Variants in ZFP28 observed in about 807,000 individuals in gnomAD.
ZFP28 encodes ZFP28 zinc finger protein, also known as zinc finger protein 28 homolog.
Under a neutral mutation model 39.5 loss-of-function variants are expected in ZFP28, and 31 were observed. That is an observed-to-expected ratio of 0.79 (90% CI 0.59 to 1.06). The LOEUF (loss-of-function observed/expected upper bound fraction) is 1.06. Ranked by LOEUF, ZFP28 falls within the 50% of genes least tolerant of loss-of-function variation. The pLI is 0.00. For missense variants in ZFP28, 925 were observed against 1,048.4 expected (o/e 0.88, Z 1.63); for synonymous variants, 400 against 378.6 (o/e 1.06, Z -0.66).
At chr19:56,550,241 C>A (rs2044286177) in intron 6 of ZFP28, 60 bp downstream of exon 6, 2 of 1,486,336 alleles carry the variant, frequency 1.3e-6, no homozygotes, top group Non-Finnish European at 1.8e-6. Flanking sequence ...TTCCAAACTT[C>A]AGTTTTGAAT....
In ZFP28 at chr19:56,556,752, C is replaced by G. The variant is rs2044356041; in HGVS notation, c.*1360C>G. The G allele has an allele frequency of 6.6e-6, 1 of 152,020 alleles. No individual in the cohort carries two copies. Among genetic ancestry groups the G allele is most frequent in the Non-Finnish European group, 1.5e-5 (1 of 68,002 alleles). 9.4% of individuals were successfully genotyped at this position (152,020 alleles called of 1,614,324 possible). The stretch of plus-strand genomic sequence containing the variant: ...ATAGAGGTGAAAGGAAATTATTAAA[C>G]TATATTGAAAAATAAAGATGTCAAT... On this transcript the variant is annotated 3_prime_UTR_variant, in exon 8 of 8. Coordinates refer to ENST00000301318, the MANE Select transcript of ZFP28 (RefSeq NM_020828.2).
At chr19:56,546,912 AG>A (rs1308622770) in intron 2 of ZFP28, 2 of 152,530 alleles carry the variant, frequency 1.3e-5, no homozygotes, top group East Asian at 3.8e-4. Flanking sequence ...CTCCAAAGTC[AG>A]GGGCTGTCTC....
Position 56,553,990 on chromosome 19 carries a change from A to G in ZFP28, c.1205A>G (p.Gln402Arg), listed in dbSNP as rs771294667. The change falls in exon 8 of 8, where the codon CAA becomes CGA. Residue 402 changes from glutamine to arginine, a missense_variant. Around this residue, in one of 2 missense-constraint regions of ZFP28, gnomAD observed 556 missense variants for 542.9 expected, o/e 1.02. Coordinates refer to ENST00000301318, the MANE Select transcript of ZFP28 (RefSeq NM_020828.2). Reference protein sequence around the residue: ...VHNRDSIKNFQKSSVVIKQTG... With the variant: ...VHNRDSIKNFRKSSVVIKQTG... Reference sequence around the variant, plus strand: ...AATCGTGATTCAATTAAAAATTTTCAAAAAAGTTCAGTGGTAATAAAACAA... The same window carrying G: ...AATCGTGATTCAATTAAAAATTTTCGAAAAAGTTCAGTGGTAATAAAACAA... 1.9e-6 allele frequency: 3 copies of G among 1,611,044 alleles called. No homozygotes were observed. The highest frequency in any genetic ancestry group is 2.5e-6 in the Non-Finnish European group (3 of 1,179,320).
intron 1 of ZFP28, 81 bp downstream of exon 1, chr19:56,539,307 C>T (rs542281814): frequency 4.3e-6 from 6 of 1,389,950 alleles, no homozygotes; most frequent in Non-Finnish European, 3.8e-6. Context: ...GTTGGGCTCT[C>T]GGGGACCAGT....
intron 7 of ZFP28, chr19:56,550,962 T>C: frequency 7.3e-7 from 1 of 1,375,510 alleles, no homozygotes; most frequent in Non-Finnish European, 9.4e-7. Flanking sequence ...TCCATTCCTG[T>C]GAGAACCACA....
At chr19:56,542,819 A>G (rs1287390272) in intron 2 of ZFP28, among the ~76,000 whole-genome samples, 1 of 152,032 alleles carries the variant, frequency 6.6e-6, no homozygotes, top group Non-Finnish European at 1.5e-5. Context: ...AGGCTGGAGT[A>G]CAGTGGCACA....
rs1397689308 is a variant in ZFP28 at position 56,554,111 on chromosome 19, C to T, written c.1326C>T (p.His442=). 1.9e-6 allele frequency: 3 copies of T among 1,614,080 alleles called. No homozygotes were observed. The highest frequency in any genetic ancestry group is 2.5e-6 in the Non-Finnish European group (3 of 1,180,038). ...CTCTTACTGTTCATCAGAGAATTCA[C>T]ACTGGAGAGAAACCTTATAAATGTA... The part of the protein sequence containing the change: ...SSSLTVHQRI[H]TGEKPYKCNE... The change falls in exon 8 of 8, where the codon CAC becomes CAT. Residue 442 remains histidine, a synonymous_variant. Transcript: ENST00000301318. This position sits in a 1 kb window ranked among gnomAD's most constrained non-coding sequence, Gnocchi z 6.7.
intron 2 of ZFP28, chr19:56,545,465 A>C (rs1170028353): frequency 1.3e-5 from 2 of 152,238 alleles, no homozygotes; most frequent in Non-Finnish European, 2.9e-5. Flanking sequence ...GAATAATGTG[A>C]ATCTTTAAAA....
At position 56,555,913 on chromosome 19, in the gene ZFP28, G is replaced by A. The variant is rs2044346745; in HGVS notation, c.*521G>A. The A allele has an allele frequency of 6.6e-6, 1 of 152,428 alleles. No individual in the cohort carries two copies. The highest frequency in any genetic ancestry group is 2.4e-5 in the African/African-American group (1 of 41,440). The allele number at this position is 152,428 out of a possible 1,614,324, so 9.4% of individuals were successfully genotyped here. On this transcript the variant is annotated 3_prime_UTR_variant, in exon 8 of 8. Transcript: ENST00000301318. The stretch of plus-strand genomic sequence containing the variant: ...AAGTCTAGGGACCATGAATGAATAG[G>A]CCAGCTGGGACAAATGAATTTAAAA...
chr19:56,550,495 T>A lies in ZFP28; in HGVS notation c.803-15T>A, dbSNP rs748960622. 2 of 1,611,544 alleles carry A rather than the reference T, an allele frequency of 1.2e-6. No homozygotes were observed. The highest frequency in any genetic ancestry group is 3.4e-5 in the Admixed American group (2 of 59,688). ...AAGACTATTGGCCAAACCTCATCTC[T>A]TTTCACTTTTTCAGGACATTGTGTG... is the stretch of plus-strand genomic sequence containing the variant. On this transcript the variant is annotated splice_polypyrimidine_tract_variant and intron_variant, in intron 6 of 7. Coordinates refer to ENST00000301318, the MANE Select transcript of ZFP28 (RefSeq NM_020828.2).
At chr19:56,542,030 G>A (rs957269349) in intron 2 of ZFP28, among the ~76,000 whole-genome samples, 22 of 151,368 alleles carry the variant, frequency 1.5e-4, no homozygotes, top group African/African-American at 4.9e-4. Flanking sequence ...CCTGGCCCTC[G>A]TAGTACTTTT....
chr19:56,545,417 G>A (rs1481165122), intron 2 of ZFP28: 2 of 152,212 alleles, frequency 1.3e-5, no homozygotes, highest in African/African-American at 2.4e-5. Flanking sequence ...ATATTATTCA[G>A]CAGATATCAA....
chr19:56,539,004 G>A lies in ZFP28; in HGVS notation c.-15G>A, dbSNP rs554443234. ...GAGGGACCGGTCGGAAGGGCGTCGC[G>A]CGGCCTCGGGTGACATGCGGGGGGC... On this transcript the variant is annotated 5_prime_UTR_variant, in exon 1 of 8. Coordinates refer to ENST00000301318, the MANE Select transcript of ZFP28 (RefSeq NM_020828.2). 7.0e-4 allele frequency: 969 copies of A among 1,389,498 alleles called. No individual in the cohort carries two copies. The highest frequency in any genetic ancestry group is 8.8e-4 in the Non-Finnish European group (944 of 1,077,020). The allele number at this position is 1,389,498 out of a possible 1,614,324, so 86.1% of individuals were successfully genotyped here.
rs1456365829 is a variant in ZFP28, at chr19:56,539,078, C to T, written c.60C>T (p.Ala20=). ...CGACGCCGCTCCCGGGTAGAGGCGCCCCCCGCACAAAGCCCCGGGCGGGCC... is the reference window on the plus strand; with the variant it reads ...CGACGCCGCTCCCGGGTAGAGGCGCTCCCCGCACAAAGCCCCGGGCGGGCC... ...REPTPLPGRG[A]PRTKPRAGRG... is the part of the protein sequence containing the mutation. The change falls in exon 1 of 8, where the codon GCC becomes GCT. Residue 20 remains alanine, a synonymous_variant. Transcript: ENST00000301318. The T allele has an allele frequency of 6.5e-7, 1 of 1,532,030 alleles. No individual in the cohort carries two copies. Among genetic ancestry groups the T allele is most frequent in the Non-Finnish European group, 8.7e-7 (1 of 1,144,712 alleles). The allele number at this position is 1,532,030 out of a possible 1,614,324, so 94.9% of individuals were successfully genotyped here.
intron 2 of ZFP28, among the ~76,000 whole-genome samples, chr19:56,542,121 A>G (rs898206505): frequency 6.6e-6 from 1 of 151,926 alleles, no homozygotes; most frequent in Non-Finnish European, 1.5e-5. Flanking sequence ...AGATATGAGA[A>G]GTCAGCCCTC....
chr19:56,551,833 G>A (rs779976940), intron 7 of ZFP28: 13 of 983,352 alleles, frequency 1.3e-5, no homozygotes, highest in Non-Finnish European at 1.6e-5. Context: ...TCTCTTGTGT[G>A]TTAAATATTT....
chr19:56,547,740 G>A lies in ZFP28; in HGVS notation c.428-67G>A, dbSNP rs2044255774. The stretch of plus-strand genomic sequence containing the variant: ...GACCTGCACTGCCCTCTTGCGTCAA[G>A]CCAAGGGGACTGCATCTCAGTCTGG... On this transcript the variant is annotated intron_variant, in intron 3 of 7. Coordinates refer to ENST00000301318, the MANE Select transcript of ZFP28 (RefSeq NM_020828.2). The surrounding 1 kb of genome is among the most constrained non-coding windows in gnomAD (Gnocchi z 4.6). The A allele has an allele frequency of 2.5e-6, 4 of 1,603,912 alleles. No homozygotes were observed. Among genetic ancestry groups the A allele is most frequent in the Non-Finnish European group, 3.4e-6 (4 of 1,173,046 alleles).
intron 6 of ZFP28, 132 bp downstream of exon 6, chr19:56,550,313 A>C: frequency 9.9e-7 from 1 of 1,008,658 alleles, no homozygotes; most frequent in Non-Finnish European, 1.4e-6. Flanking sequence ...TTCCTAAGAT[A>C]AGAATTTGGC....
rs1483899503 is a variant in ZFP28 at position 56,547,345 on chromosome 19, C to T, written c.301-163C>T. The T allele has an allele frequency of 2.9e-6, 3 of 1,037,320 alleles. No individual in the cohort carries two copies. The highest frequency in any genetic ancestry group is 5.0e-5 in the Admixed American group (2 of 40,204). 64.3% of individuals were successfully genotyped at this position (1,037,320 alleles called of 1,614,324 possible). ...TGACCTCATTTAACCCTAATTACCTCTTTGTAGGCCCTGTCTCTAAATACA... is the reference window on the plus strand; with the variant it reads ...TGACCTCATTTAACCCTAATTACCTTTTTGTAGGCCCTGTCTCTAAATACA... On this transcript the variant is annotated intron_variant, in intron 2 of 7. Transcript: ENST00000301318. The surrounding 1 kb of genome is among the most constrained non-coding windows in gnomAD (Gnocchi z 4.6).
Sources: gnomAD v4.1 joint callset for allele counts (sites outside exome capture counted in the v4.1 genomes callset) on GRCh38, gnomAD v4.1.1 for gene constraint, gnomAD v4.1.1 regional missense constraint, Gnocchi (gnomAD v3.1) non-coding constraint, MANE v1.5 for transcripts, NCBI Gene and HGNC (gene_info 2026-07-23, HGNC 2026-07-21) for gene names.